The following CLIP2 variants were observed in gnomAD, a reference collection of about 807,000 sequenced individuals.
The protein encoded by CLIP2 is CAP-Gly domain containing linker protein 2.
CLIP2 carries 41 observed loss-of-function variants against 111.7 expected under a neutral mutation model. The observed-to-expected ratio is 0.37, with a 90% confidence interval of 0.29 to 0.48. The LOEUF (loss-of-function observed/expected upper bound fraction) is 0.48. Among genes scored for constraint, CLIP2 ranks in the 20% least tolerant of loss-of-function variants. The pLI is 0.99. For missense variants in CLIP2, 1,160 were observed against 1,422.1 expected (o/e 0.82, Z 2.96); for synonymous variants, 660 against 644.2 (o/e 1.02, Z -0.37).
chr7:74,294,508 G>A (rs938272338), intron 1 of CLIP2, among the ~76,000 whole-genome samples: 4 of 152,104 alleles, frequency 2.6e-5, no homozygotes, highest in Admixed American at 1.3e-4. Flanking sequence ...AGCGACACCC[G>A]CTCCCGATTC....
At chr7:74,359,638 A>G (rs1465987711) in intron 6 of CLIP2, among the ~76,000 whole-genome samples, 3 of 152,136 alleles carry the variant, frequency 2.0e-5, no homozygotes, top group Non-Finnish European at 4.4e-5. Context: ...TACAGGCAGG[A>G]GCCACTGCAC....
At chr7:74,312,786 G>A (rs565618399) in intron 1 of CLIP2, among the ~76,000 whole-genome samples, 9 of 152,236 alleles carry the variant, frequency 5.9e-5, no homozygotes, top group Admixed American at 2.0e-4. Context: ...GGCGCACCCC[G>A]GCATGTCGGC....
At chr7:74,299,192 TAC>T (rs1159139365) in intron 1 of CLIP2, among the ~76,000 whole-genome samples, 2 of 151,894 alleles carry the variant, frequency 1.3e-5, no homozygotes, top group South Asian at 2.1e-4. Flanking sequence ...ATTAGCCAGG[TAC>T]AGTGTCTATA....
chr7:74,334,929 A>G (rs473323), intron 2 of CLIP2, among the ~76,000 whole-genome samples: 93,868 of 151,742 alleles, frequency 0.62, 30,865 homozygotes, highest in Middle Eastern at 0.74. Flanking sequence ...CGAAGATTGC[A>G]GTGAGCAGAG....
intron 1 of CLIP2, among the ~76,000 whole-genome samples, chr7:74,303,158 C>T (rs1554727101): frequency 6.6e-6 from 1 of 152,212 alleles, no homozygotes; most frequent in Non-Finnish European, 1.5e-5. Flanking sequence ...AGGGAAGGGG[C>T]CGTCCAGCCC....
intron 1 of CLIP2, among the ~76,000 whole-genome samples, chr7:74,291,317 T>C (rs1330731669): frequency 6.6e-6 from 1 of 152,066 alleles, no homozygotes; most frequent in Non-Finnish European, 1.5e-5. Flanking sequence ...GGGAAGGTGG[T>C]GCCTGGAATT....
intron 3 of CLIP2, among the ~76,000 whole-genome samples, chr7:74,342,325 G>T (rs1584343294): frequency 6.6e-6 from 1 of 151,698 alleles, no homozygotes; most frequent in South Asian, 2.1e-4. Context: ...GCAGAGAGCC[G>T]AGATCACGCC....
At chr7:74,400,016 G>T (rs1276660953) in intron 14 of CLIP2, among the ~76,000 whole-genome samples, 2 of 151,736 alleles carry the variant, frequency 1.3e-5, no homozygotes, top group African/African-American at 4.8e-5. Context: ...TTAGCGGGGC[G>T]TGGTGGTGGG....
intron 1 of CLIP2, among the ~76,000 whole-genome samples, chr7:74,294,609 C>T (rs1788120206): frequency 6.6e-6 from 1 of 152,194 alleles, no homozygotes; most frequent in Admixed American, 6.5e-5. Flanking sequence ...AGCGTCACCC[C>T]CGTCACCCTG....
intron 2 of CLIP2, among the ~76,000 whole-genome samples, chr7:74,328,872 G>A (rs1353670308): frequency 1.3e-5 from 2 of 150,678 alleles, no homozygotes; most frequent in Non-Finnish European, 3.0e-5. Context: ...CAAGTAGCTG[G>A]TGCGCACCAC....
Position 74,376,022 on chromosome 7 carries a change from G to T in CLIP2, c.1621G>T (p.Glu541Ter). The change falls in exon 10 of 17, where the codon GAG (glutamate) becomes TAG (stop). Residue 541 changes from glutamate to a stop codon, truncating the protein, a stop_gained. Transcript: ENST00000223398. LOFTEE classifies it high-confidence loss of function. The surrounding 1 kb of genome is among the most constrained non-coding windows in gnomAD (Gnocchi z 7.1). ...ACCTCCGGACCACCCAGACGCCGCC[G>T]AGATCCTGCGGCTACGGGAGCGGCT... ...PPPPDHPDAA[E>*]ILRLRERLLS... 6.2e-7 allele frequency: 1 copy of T among 1,612,970 alleles called. No homozygotes were observed.
At chr7:74,322,880 A>G (rs900680458) in intron 2 of CLIP2, among the ~76,000 whole-genome samples, 26 of 151,570 alleles carry the variant, frequency 1.7e-4, no homozygotes, top group African/African-American at 6.1e-4. Flanking sequence ...ACAGGCACAC[A>G]CCACCATGCC....
intron 3 of CLIP2, among the ~76,000 whole-genome samples, chr7:74,353,351 T>C (rs1474758839): frequency 6.6e-6 from 1 of 151,558 alleles, no homozygotes; most frequent in African/African-American, 2.4e-5. Flanking sequence ...CCTGGGTTCA[T>C]GCCATTCTTC....
intron 12 of CLIP2, among the ~76,000 whole-genome samples, chr7:74,386,848 C>A (rs1169650314): frequency 6.6e-6 from 1 of 152,010 alleles, no homozygotes; most frequent in Non-Finnish European, 1.5e-5. Context: ...CATGGTGAAA[C>A]CTCGTCTCTA....
At position 74,299,700 on chromosome 7, in the gene CLIP2, TC is replaced by T. The variant is rs1554726494; in HGVS notation, c.-68+9967del. On this transcript the variant is annotated intron_variant, in intron 1 of 16. Coordinates refer to ENST00000223398, the MANE Select transcript of CLIP2 (RefSeq NM_003388.5). ...GGTGCTGACTCGAGGCCCTTCTTCT[TC>T]TTCTTTTTTTTTTTGAGACGGAGTT... Among the ~76,000 whole-genome samples, 278 of 151,048 alleles carry T rather than the reference TC, an allele frequency of 1.8e-3. 1 individual carries two copies. The highest frequency in any genetic ancestry group is 3.3e-3 in the African/African-American group (137 of 41,360).
chr7:74,401,107 G>T (rs542037555), intron 15 of CLIP2, among the ~76,000 whole-genome samples: 3 of 151,696 alleles, frequency 2.0e-5, no homozygotes, highest in South Asian at 4.2e-4. Flanking sequence ...TGGTCTGAAG[G>T]GGGAGGCAGC....
intron 11 of CLIP2, among the ~76,000 whole-genome samples, chr7:74,381,314 G>A (rs1023902510): frequency 2.6e-5 from 4 of 151,910 alleles, no homozygotes; most frequent in Admixed American, 6.6e-5. Context: ...TCAGCCTCCC[G>A]AGTAGCTGGG....
At chr7:74,298,360 T>G (rs1170660892) in intron 1 of CLIP2, among the ~76,000 whole-genome samples, 1 of 148,446 alleles carries the variant, frequency 6.7e-6, no homozygotes, top group Non-Finnish European at 1.5e-5. Context: ...TAATTGGTTT[T>G]TTTTTTTTTT....
chr7:74,333,828 C>G (rs513323), intron 2 of CLIP2, among the ~76,000 whole-genome samples: 93,096 of 152,048 alleles, frequency 0.61, 30,457 homozygotes, highest in Middle Eastern at 0.74. Context: ...CTGGAAGTCA[C>G]TAGTGGCTCT....
Sources: gnomAD v4.1 joint callset for allele counts (sites outside exome capture counted in the v4.1 genomes callset) on GRCh38, gnomAD v4.1.1 for gene constraint, Gnocchi (gnomAD v3.1) non-coding constraint, MANE v1.5 for transcripts, NCBI Gene and HGNC (gene_info 2026-07-23, HGNC 2026-07-21) for gene names.